The following TLN2 variants were observed in gnomAD, a reference collection of about 807,000 sequenced individuals.
The protein encoded by TLN2 is talin 2, also known as talin-2.
In TLN2, 118 loss-of-function variants were observed where a neutral mutation model predicts 294.7. The observed-to-expected ratio is 0.40, with a 90% CI of 0.34 to 0.47. TLN2 has a LOEUF of 0.47. TLN2 is among the 20% of genes least tolerant of loss of function. TLN2 has a pLI of 0.84. For missense variants in TLN2, 3,083 were observed against 3,282.2 expected, an observed-to-expected ratio of 0.94 and a Z score of 1.48; for synonymous variants, 1,431 against 1,304.5, an observed-to-expected ratio of 1.10 and a Z score of -2.09.
Position 62,708,529 on chromosome 15 carries a change from G to A in TLN2, c.2200G>A (p.Val734Met), listed in dbSNP as rs753490565. 1.9e-6 allele frequency: 3 copies of A among 1,613,908 alleles called. No homozygotes were observed. In the East Asian group the frequency reaches 6.7e-5, roughly 36 times the overall value. Residue 734 changes from valine to methionine, a missense_variant, in exon 21 of 59, where the codon GTG becomes ATG. By Grantham distance (21) the Val-to-Met change is conservative (BLOSUM62 1). Transcript: ENST00000636159. ...KVVSPTISSP[V>M]CQEQLIEAGK... is the part of the protein sequence containing the mutation. Reference sequence around the variant, plus strand: ...TGTGAGCCCCACTATTAGCTCCCCTGTGTGCCAGGAGCAGCTGATTGAAGC... The same window carrying A: ...TGTGAGCCCCACTATTAGCTCCCCTATGTGCCAGGAGCAGCTGATTGAAGC...
chr15:62,449,078 G>A (rs2035968950), intron 1 of TLN2, among the ~76,000 whole-genome samples: 1 of 152,150 alleles, frequency 6.6e-6, no homozygotes, highest in Admixed American at 6.5e-5. Context: ...TGAATGCTGG[G>A]TATTAAACTC....
chr15:62,575,167 G>C (rs2044280329), intron 1 of TLN2, among the ~76,000 whole-genome samples: 2 of 152,020 alleles, frequency 1.3e-5, no homozygotes, highest in Non-Finnish European at 2.9e-5. Flanking sequence ...TTAAAAATTG[G>C]TCCAGAATGG....
chr15:62,816,751 G>C (rs192114033), intron 52 of TLN2, among the ~76,000 whole-genome samples: 68 of 152,204 alleles, frequency 4.5e-4, no homozygotes, highest in South Asian at 8.3e-4. Context: ...ATGCTGTGTT[G>C]GCCACTTTAG....
Position 62,486,452 on chromosome 15 carries a change from G to GTT in TLN2, c.-238+95789_-238+95790dup, listed in dbSNP as rs34975634. The stretch of plus-strand genomic sequence containing the variant: ...TCTTTTAATCAGGAACAGTTCCTTT[G>GTT]TTTTTTTTTTTTTTTTTTTTTTTGC... On this transcript the variant is annotated intron_variant, in intron 1 of 58. Coordinates refer to ENST00000636159, the MANE Select transcript of TLN2 (RefSeq NM_015059.3). Among the ~76,000 whole-genome samples, 312 of 93,212 alleles carry GTT rather than the reference G, an allele frequency of 3.3e-3. 3 individuals carry two copies. The highest frequency in any genetic ancestry group is 5.3e-3 in the African/African-American group (124 of 23,606). The allele number at this position is 93,212 out of a possible 152,430, so 61.2% of individuals were successfully genotyped here. A position where few individuals can be genotyped will look rare whatever the true frequency, so the allele number is the denominator to read the frequency against.
intron 2 of TLN2, among the ~76,000 whole-genome samples, chr15:62,602,320 A>G (rs975736801): frequency 1.3e-5 from 2 of 152,210 alleles, no homozygotes; most frequent in African/African-American, 4.8e-5. Context: ...CATGCTGCAT[A>G]CACAACAGTA....
At chr15:62,408,888 G>A (rs903357664) in intron 1 of TLN2, among the ~76,000 whole-genome samples, 3 of 152,004 alleles carry the variant, frequency 2.0e-5, no homozygotes, top group African/African-American at 7.3e-5. Context: ...TTGAACTCCT[G>A]AGCTCAAACA....
At chr15:62,474,500 G>A (rs778681441) in intron 1 of TLN2, among the ~76,000 whole-genome samples, 2 of 152,082 alleles carry the variant, frequency 1.3e-5, no homozygotes, top group Non-Finnish European at 2.9e-5. Flanking sequence ...TAATTAGCCA[G>A]GTGTGGCAGT....
intron 1 of TLN2, among the ~76,000 whole-genome samples, chr15:62,525,075 T>C (rs888887682): frequency 6.6e-6 from 1 of 152,208 alleles, no homozygotes; most frequent in South Asian, 2.1e-4. Flanking sequence ...TTGTGAACAC[T>C]ATTGCAGTCC....
chr15:62,771,166 G>A, intron 42 of TLN2, 32 bp downstream of exon 42: 2 of 1,558,562 alleles, frequency 1.3e-6, no homozygotes, highest in Admixed American at 1.8e-5. Context: ...ACTCACTTAG[G>A]ACCACTAAGA....
rs900107754 is a variant in TLN2, at chr15:62,763,564, G to C, written c.4963G>C (p.Asp1655His). 1.9e-6 allele frequency: 3 copies of C among 1,606,558 alleles called. No homozygotes were observed. The highest frequency in any genetic ancestry group is 2.6e-6 in the Non-Finnish European group (3 of 1,174,566). ...TCCAACTTGCACTATTCCTTCCAGG[G>C]ACAAGGCCCCTGGACAGAGGGAGTG... ...SIKSLITSIR[D>H]KAPGQRECDY... Residue 1655 changes from aspartate (D) to histidine (H), a missense_variant and splice_region_variant, in exon 40 of 59, where the codon GAC becomes CAC. Physicochemically the swap from Asp to His is moderately conservative, Grantham distance 81. Coordinates refer to ENST00000636159, the MANE Select transcript of TLN2 (RefSeq NM_015059.3).
intron 1 of TLN2, among the ~76,000 whole-genome samples, chr15:62,561,742 C>G: frequency 6.6e-6 from 1 of 152,140 alleles, no homozygotes; most frequent in Non-Finnish European, 1.5e-5. Flanking sequence ...TCTTCAGACC[C>G]CACCCTGGCC....
rs1415476126 is a variant in TLN2 at position 62,843,008 on chromosome 15, G to T, written c.*2398G>T. On this transcript the variant is annotated 3_prime_UTR_variant, in exon 59 of 59. Coordinates refer to ENST00000636159, the MANE Select transcript of TLN2 (RefSeq NM_015059.3). ...GATGTTATTTAATAGGCACTACTGCGGTGTCCTCAGATGGTACTGAGGGGG... is the reference window on the plus strand; with the variant it reads ...GATGTTATTTAATAGGCACTACTGCTGTGTCCTCAGATGGTACTGAGGGGG... 6.6e-6 allele frequency: 1 copy of T among 152,184 alleles called. No homozygotes were observed. Among genetic ancestry groups the T allele is most frequent in the Non-Finnish European group, 1.5e-5 (1 of 68,040 alleles). 9.4% of individuals were successfully genotyped at this position (152,184 alleles called of 1,614,324 possible).
At chr15:62,549,028 G>C (rs563205563) in intron 1 of TLN2, among the ~76,000 whole-genome samples, 2 of 152,298 alleles carry the variant, frequency 1.3e-5, no homozygotes, top group African/African-American at 4.8e-5. Context: ...CTTATGCCCA[G>C]AAAAGTTCTT....
In TLN2 at chr15:62,637,624, CA is replaced by C. The variant is rs370647705; in HGVS notation, c.-36-9650del. 6 of 152,290 alleles carry C rather than the reference CA, an allele frequency of 3.9e-5. No individual in the cohort carries two copies. In the East Asian group the frequency reaches 1.2e-3, roughly 29 times the overall value. The allele number at this position is 152,290 out of a possible 1,614,324, so 9.4% of individuals were successfully genotyped here. ...AGCTTTCCAGCCTATTGATCATATC[CA>C]GGGACAAGATATACATGGAAGCGCC... On this transcript the variant is annotated intron_variant, in intron 3 of 58. Transcript: ENST00000636159.
chr15:62,682,003 C>T (rs1222116484), intron 11 of TLN2, among the ~76,000 whole-genome samples: 1 of 152,182 alleles, frequency 6.6e-6, no homozygotes, highest in Non-Finnish European at 1.5e-5. Flanking sequence ...GATCCTCCCA[C>T]CTCAGTTTCC....
intron 9 of TLN2, among the ~76,000 whole-genome samples, chr15:62,666,421 C>A (rs1339219336): frequency 2.0e-5 from 3 of 152,166 alleles, no homozygotes; most frequent in East Asian, 1.9e-4. Context: ...GAGGACACAG[C>A]CTTTCTCTCC....
At chr15:62,696,702 C>G (rs952984060) in intron 14 of TLN2, among the ~76,000 whole-genome samples, 1 of 152,178 alleles carries the variant, frequency 6.6e-6, no homozygotes, top group Non-Finnish European at 1.5e-5. Context: ...GAGTGAAACT[C>G]TGTCTTAAAA....
intron 4 of TLN2, among the ~76,000 whole-genome samples, chr15:62,647,813 G>A (rs965021542): frequency 2.0e-5 from 3 of 152,102 alleles, no homozygotes; most frequent in East Asian, 1.9e-4. Context: ...ATGCATGAAC[G>A]CTTTCCACTG....
intron 25 of TLN2, among the ~76,000 whole-genome samples, chr15:62,720,599 A>G (rs2060074571): frequency 6.6e-6 from 1 of 151,988 alleles, no homozygotes. Flanking sequence ...TAAAACATGA[A>G]AGGTTTGATA....
Sources: gnomAD v4.1 joint callset for allele counts (sites outside exome capture counted in the v4.1 genomes callset) on GRCh38, gnomAD v4.1.1 for gene constraint, MANE v1.5 for transcripts, NCBI Gene and HGNC (gene_info 2026-07-23, HGNC 2026-07-21) for gene names.